Variants in SPIDR observed in about 807,000 individuals in gnomAD.
The protein encoded by SPIDR is scaffold protein involved in DNA repair.
In SPIDR, 93 loss-of-function variants were observed where a neutral mutation model predicts 104.6. The observed-to-expected ratio is 0.89, with a 90% CI of 0.75 to 1.06. SPIDR has a LOEUF of 1.06. Among genes scored for constraint, SPIDR ranks in the 50% least tolerant of loss-of-function variants. The pLI is 0.00. For missense variants in SPIDR, 1,154 were observed against 1,111.2 expected (o/e 1.04, Z -0.55); for synonymous variants, 431 against 416.9 (o/e 1.03, Z -0.41).
chr8:47,468,289 A>G (rs2075201914), intron 8 of SPIDR, among the ~76,000 whole-genome samples: 2 of 152,242 alleles, frequency 1.3e-5, no homozygotes, highest in Non-Finnish European at 2.9e-5. Flanking sequence ...AAAGTAATTT[A>G]CAGATTTCAA....
intron 10 of SPIDR, among the ~76,000 whole-genome samples, chr8:47,627,030 C>A (rs2066252176): frequency 6.6e-6 from 1 of 152,180 alleles, no homozygotes; most frequent in Non-Finnish European, 1.5e-5. Context: ...AAATGTGGCA[C>A]ATATACACCA....
At chr8:47,705,433 C>G (rs1253283731) in intron 14 of SPIDR, among the ~76,000 whole-genome samples, 1 of 152,214 alleles carries the variant, frequency 6.6e-6, no homozygotes, top group Non-Finnish European at 1.5e-5. Flanking sequence ...TTCTGTCTGT[C>G]TCCTATAGTC....
At position 47,464,192 on chromosome 8, in the gene SPIDR, C is replaced by G. The variant is rs1351311323; in HGVS notation, c.1097+23650C>G. Among the ~76,000 whole-genome samples, 3 of 151,344 alleles carry G rather than the reference C, an allele frequency of 2.0e-5. No homozygotes were observed. In the South Asian group the frequency reaches 6.2e-4, roughly 31 times the overall value. On this transcript the variant is annotated intron_variant, in intron 8 of 19. Transcript: ENST00000297423. ...GTAAATTGAGGAAAGTTGCACAATG[C>G]AGATTAATATACAAAAATTAGTTGG... is the stretch of plus-strand genomic sequence containing the variant.
chr8:47,666,669 C>T (rs560887129), intron 10 of SPIDR, among the ~76,000 whole-genome samples: 3 of 152,124 alleles, frequency 2.0e-5, no homozygotes, highest in Non-Finnish European at 2.9e-5. Context: ...GGATCTGGCA[C>T]TAACTGACTG....
At chr8:47,314,639 G>A (rs1452262129) in intron 5 of SPIDR, among the ~76,000 whole-genome samples, 1 of 152,102 alleles carries the variant, frequency 6.6e-6, no homozygotes, top group Non-Finnish European at 1.5e-5. Flanking sequence ...GAGGGTAACT[G>A]CTCCATGATG....
At chr8:47,599,483 T>C (rs978117592) in intron 10 of SPIDR, among the ~76,000 whole-genome samples, 7 of 152,232 alleles carry the variant, frequency 4.6e-5, no homozygotes, top group Admixed American at 3.3e-4. Context: ...ATTGGTATTA[T>C]TCTGGAAAAG....
intron 8 of SPIDR, among the ~76,000 whole-genome samples, chr8:47,523,583 T>C (rs1485865871): frequency 6.6e-6 from 1 of 152,218 alleles, no homozygotes; most frequent in Non-Finnish European, 1.5e-5. Context: ...GCAGCTCTGC[T>C]TTATCTTCAG....
chr8:47,495,821 T>C (rs2079363234), intron 8 of SPIDR, among the ~76,000 whole-genome samples: 1 of 152,188 alleles, frequency 6.6e-6, no homozygotes, highest in Non-Finnish European at 1.5e-5. Context: ...CTTGGCACTC[T>C]TGTTGAAAAT....
Position 47,588,026 on chromosome 8 carries a change from C to CATATAAATAT in SPIDR, c.1098-7780_1098-7779insAATATATATA, listed in dbSNP as rs1341956185. Among the ~76,000 whole-genome samples the CATATAAATAT allele has an allele frequency of 2.5e-3, 59 of 23,430 alleles. 23 individuals are homozygous for CATATAAATAT. The highest frequency in any genetic ancestry group is 9.1e-3 in the East Asian group (3 of 328). The allele number at this position is 23,430 out of a possible 152,430, so 15.4% of individuals were successfully genotyped here. On this transcript the variant is annotated intron_variant, in intron 8 of 19. Coordinates refer to ENST00000297423, the MANE Select transcript of SPIDR (RefSeq NM_001080394.4). ...CTTTCCTTGCAACTTTTAAAATTAG[C>CATATAAATAT]ATATATATATATATATATATATATA...
At chr8:47,431,172 A>C (rs2067299139) in intron 7 of SPIDR, among the ~76,000 whole-genome samples, 1 of 152,184 alleles carries the variant, frequency 6.6e-6, no homozygotes. Context: ...CTGTGTGCTC[A>C]CAGAGCCTTT....
intron 11 of SPIDR, among the ~76,000 whole-genome samples, chr8:47,674,950 G>A (rs2076234429): frequency 6.6e-6 from 1 of 152,208 alleles, no homozygotes; most frequent in South Asian, 2.1e-4. Context: ...GCCCTGAGTA[G>A]ATAAGAGCAC....
intron 8 of SPIDR, among the ~76,000 whole-genome samples, chr8:47,509,075 T>A (rs2081937121): frequency 6.6e-6 from 1 of 152,224 alleles, no homozygotes; most frequent in Non-Finnish European, 1.5e-5. Flanking sequence ...CTCTGTCACC[T>A]GCCTACAGAT....
intron 6 of SPIDR, among the ~76,000 whole-genome samples, chr8:47,404,156 A>G (rs183468954): frequency 4.6e-5 from 7 of 152,386 alleles, no homozygotes; most frequent in African/African-American, 1.7e-4. Flanking sequence ...ATATGTAGAA[A>G]GCTGAAACTG....
chr8:47,654,208 G>T, intron 10 of SPIDR: 1 of 1,276,712 alleles, frequency 7.8e-7, no homozygotes, highest in South Asian at 1.2e-5. Context: ...CAACCTGCAG[G>T]AGGGGTTAGA....
intron 7 of SPIDR, among the ~76,000 whole-genome samples, chr8:47,421,291 T>G (rs1396554656): frequency 1.3e-5 from 2 of 152,248 alleles, no homozygotes; most frequent in Non-Finnish European, 2.9e-5. Context: ...CTATATTTCT[T>G]GGAGGCTTTG....
intron 5 of SPIDR, among the ~76,000 whole-genome samples, chr8:47,299,823 G>T (rs7388536): frequency 3.3e-5 from 5 of 151,882 alleles, no homozygotes; most frequent in Non-Finnish European, 5.9e-5. Context: ...GGTGGATAAG[G>T]TTTTTGATGT....
At chr8:47,413,406 C>T (rs1259398676) in intron 7 of SPIDR, among the ~76,000 whole-genome samples, 15 of 152,226 alleles carry the variant, frequency 9.9e-5, no homozygotes, top group Admixed American at 9.2e-4. Context: ...CCTCCTGGTT[C>T]CCAGTGCCAT....
chr8:47,439,726 A>G (rs1228955313), intron 7 of SPIDR, among the ~76,000 whole-genome samples: 1 of 152,184 alleles, frequency 6.6e-6, no homozygotes. Flanking sequence ...AGACAATTTA[A>G]CAGTTGAATG....
chr8:47,425,385 AGAT>A (rs1299795657), intron 7 of SPIDR, among the ~76,000 whole-genome samples: 1 of 152,158 alleles, frequency 6.6e-6, no homozygotes, highest in Non-Finnish European at 1.5e-5. Context: ...TTAGTGGACT[AGAT>A]GGATGACAAG....
Sources: gnomAD v4.1 joint callset for allele counts (sites outside exome capture counted in the v4.1 genomes callset) on GRCh38, gnomAD v4.1.1 for gene constraint, MANE v1.5 for transcripts, NCBI Gene and HGNC (gene_info 2026-07-23, HGNC 2026-07-21) for gene names.